Variants in ARFGAP2 observed in about 807,000 individuals in gnomAD.
The protein encoded by ARFGAP2 is ARF GTPase activating protein 2, also known as ADP-ribosylation factor GTPase-activating protein 2.
A neutral mutation model predicts 71.9 loss-of-function variants in ARFGAP2; 45 were observed. The observed-to-expected ratio is 0.63, with a 90% CI of 0.49 to 0.80. ARFGAP2 has a LOEUF of 0.80. Ranked by LOEUF, ARFGAP2 falls within the 30% of genes least tolerant of loss-of-function variation. The pLI, the probability that ARFGAP2 is intolerant of heterozygous loss-of-function variation, is 0.00. For missense variants in ARFGAP2, 633 were observed against 673.9 expected (o/e 0.94, Z 0.67); for synonymous variants, 248 against 249.2 (o/e 1.00, Z 0.05).
At chr11:47,172,653 C>A in intron 7 of ARFGAP2, 2 of 1,327,440 alleles carry the variant, frequency 1.5e-6, no homozygotes, top group Non-Finnish European at 2.0e-6. Flanking sequence ...CCAGGCTCCG[C>A]TTCTAAAGCA....
intron 5 of ARFGAP2, 170 bp from the exon 6 acceptor site, chr11:47,174,010 G>A (rs1052335837): frequency 6.8e-5 from 91 of 1,334,632 alleles, no homozygotes; most frequent in Admixed American, 2.1e-4. Context: ...GAAGAAAGCA[G>A]GAAGACAAGC....
At chr11:47,175,664 A>C (rs1952780826) in intron 3 of ARFGAP2, 187 bp downstream of exon 3, 1 of 694,966 alleles carries the variant, frequency 1.4e-6, no homozygotes, top group Admixed American at 2.7e-5. Context: ...GCCCAGTTTA[A>C]TTGGAATCTG....
chr11:47,176,750 C>T (rs1414233172), intron 1 of ARFGAP2, 32 bp downstream of exon 1: 3 of 1,613,588 alleles, frequency 1.9e-6, no homozygotes, highest in Non-Finnish European at 2.5e-6. Flanking sequence ...CCCAGCGGGA[C>T]GAGAGACTCC....
At chr11:47,172,635 G>A (rs1488267757) in intron 7 of ARFGAP2, 10 of 1,326,772 alleles carry the variant, frequency 7.5e-6, no homozygotes, top group Middle Eastern at 2.0e-4. Flanking sequence ...GGGAGCATAT[G>A]GTGAGCACCA....
rs1358530224 is a variant in ARFGAP2, at chr11:47,171,685, T to C, written c.788A>G (p.Lys263Arg). The change falls in exon 9 of 16, where the codon AAG becomes AGG. Residue 263 changes from lysine to arginine, a missense_variant. Lys to Arg is a conservative substitution (Grantham distance 26, BLOSUM62 2). Coordinates refer to ENST00000524782, the MANE Select transcript of ARFGAP2 (RefSeq NM_032389.6). ...KLREQQAADAKKQAEESMVAS... is the reference protein window; with the variant it reads ...KLREQQAADARKQAEESMVAS... ...TTACATGGACTCCTCCGCCTGCTTC[T>C]TGGCATCGGCTGCCTGCTGCTCACG... The C allele has an allele frequency of 6.2e-7, 1 of 1,613,874 alleles. No individual in the cohort carries two copies. The highest frequency in any genetic ancestry group is 1.3e-5 in the African/African-American group (1 of 75,062).
chr11:47,165,315 A>G lies in ARFGAP2; in HGVS notation c.*167T>C, dbSNP rs908625251. ...AGGCAGAGGACAAGGGCTGGTACTGACCATTCCCCTCACAGGAGTGAGCGC... is the reference window on the plus strand; with the variant it reads ...AGGCAGAGGACAAGGGCTGGTACTGGCCATTCCCCTCACAGGAGTGAGCGC... On this transcript the variant is annotated 3_prime_UTR_variant, in exon 16 of 16. Coordinates refer to ENST00000524782, the MANE Select transcript of ARFGAP2 (RefSeq NM_032389.6). 4.0e-6 allele frequency: 3 copies of G among 752,508 alleles called. No individual in the cohort carries two copies. The highest frequency in any genetic ancestry group is 2.8e-5 in the Admixed American group (1 of 35,954). 46.6% of individuals were successfully genotyped at this position (752,508 alleles called of 1,614,324 possible).
rs894282903 is a variant in ARFGAP2 at position 47,168,357 on chromosome 11, C to T, written c.942-106G>A. The T allele has an allele frequency of 2.7e-6, 4 of 1,495,282 alleles. No homozygotes were observed. In the African/African-American group the frequency reaches 5.5e-5, roughly 21 times the overall value. 92.6% of individuals were successfully genotyped at this position (1,495,282 alleles called of 1,614,324 possible). A position where few individuals can be genotyped will look rare whatever the true frequency, so the allele number is the denominator to read the frequency against. On this transcript the variant is annotated intron_variant, in intron 10 of 15. Transcript: ENST00000524782. ...GGGTTCTCCTTCACGGAGCGTCACC[C>T]AGAGCCTTCTGTCCTTACCCAAGCA...
chr11:47,168,145 T>C lies in ARFGAP2; in HGVS notation c.1048A>G (p.Thr350Ala), dbSNP rs1458009457. Residue 350 changes from threonine (T) to alanine (A), a missense_variant, in exon 11 of 16, where the codon ACT becomes GCT. By Grantham distance (58) the Thr-to-Ala change is moderately conservative (BLOSUM62 0). Transcript: ENST00000524782. Reference sequence around the variant, plus strand: ...TACTTTGGGGGTCCAGAGGCGAAAGTACCAACATCGTCAAACAAGTCCAGC... The same window carrying C: ...TACTTTGGGGGTCCAGAGGCGAAAGCACCAACATCGTCAAACAAGTCCAGC... ...SQLDLFDDVG[T>A]FASGPPKYKD... The C allele has an allele frequency of 6.2e-7, 1 of 1,614,232 alleles. No homozygotes were observed. The highest frequency in any genetic ancestry group is 1.7e-5 in the Admixed American group (1 of 60,036).
At position 47,175,103 on chromosome 11, in the gene ARFGAP2, A is replaced by G. The variant is rs550926313; in HGVS notation, c.397-5T>C. On this transcript the variant is annotated splice_polypyrimidine_tract_variant and splice_region_variant and intron_variant, in intron 4 of 15. Coordinates refer to ENST00000524782, the MANE Select transcript of ARFGAP2 (RefSeq NM_032389.6). ...ACTCATGTTGTCTATCCAAAGCTAG[A>G]AAGGAGAAGACACCCCTAAAACACA... 6.2e-7 allele frequency: 1 copy of G among 1,614,162 alleles called. No individual in the cohort carries two copies. The highest frequency in any genetic ancestry group is 1.3e-5 in the African/African-American group (1 of 75,028).
In ARFGAP2 at chr11:47,175,869, G is replaced by T; in HGVS notation, c.246C>A (p.Val82=). 6.2e-7 allele frequency: 1 copy of T among 1,614,112 alleles called. No homozygotes were observed. The highest frequency in any genetic ancestry group is 8.5e-7 in the Non-Finnish European group (1 of 1,180,006). ...WNWFQLRCMQ[V]GGNANATAFF... ...GCTTTACCGCATTGGCATTCCCGCCGACCTGCATACACCTCAGCTGGAACC... is the reference window on the plus strand; with the variant it reads ...GCTTTACCGCATTGGCATTCCCGCCTACCTGCATACACCTCAGCTGGAACC... Residue 82 remains valine, a synonymous_variant, in exon 3 of 16, where the codon GTC becomes GTA. Coordinates refer to ENST00000524782, the MANE Select transcript of ARFGAP2 (RefSeq NM_032389.6).
At position 47,166,380 on chromosome 11, in the gene ARFGAP2, A is replaced by G. The variant is rs1255616160; in HGVS notation, c.1433T>C (p.Val478Ala). ...DMDGAHGAGS[V>A]SLGNVLPTAD... The stretch of plus-strand genomic sequence containing the variant: ...TGTAGGCAGCACGTTCCCCAGAGAT[A>G]CACTTCCTGTAAAACAAGAGCAGGG... The change falls in exon 15 of 16, where the codon GTA becomes GCA. Residue 478 changes from valine (V) to alanine (A), a missense_variant. Coordinates refer to ENST00000524782, the MANE Select transcript of ARFGAP2 (RefSeq NM_032389.6). 1 of 1,613,908 alleles carries G rather than the reference A, an allele frequency of 6.2e-7. No individual in the cohort carries two copies. Among genetic ancestry groups the G allele is most frequent in the African/African-American group, 1.3e-5 (1 of 74,934 alleles).
At chr11:47,168,607 A>C in intron 10 of ARFGAP2, 1 of 189,394 alleles carries the variant, frequency 5.3e-6, no homozygotes, top group South Asian at 9.4e-5. Context: ...TGCAACCACC[A>C]CCTCCCAGGT....
intron 2 of ARFGAP2, chr11:47,176,198 C>T (rs1002819757): frequency 1.7e-6 from 1 of 590,622 alleles, no homozygotes; most frequent in African/African-American, 1.9e-5. Flanking sequence ...TGGTCACAGT[C>T]TCACTAGAGA....
Position 47,176,541 on chromosome 11 carries a change from G to A in ARFGAP2, c.166C>T (p.Leu56=), listed in dbSNP as rs758827183. The change falls in exon 2 of 16, where the codon CTG becomes TTG. Residue 56 remains leucine, a synonymous_variant. Transcript: ENST00000524782. Reference sequence around the variant, plus strand: ...CTGATGAAGCTCAGATGGACGCCCAGGGAGCGGTGCACCCCGGAACAGTCA... The same window carrying A: ...CTGATGAAGCTCAGATGGACGCCCAAGGAGCGGTGCACCCCGGAACAGTCA... The part of the protein sequence containing the change: ...CIDCSGVHRS[L]GVHLSFIRST... 5 of 1,613,818 alleles carry A rather than the reference G, an allele frequency of 3.1e-6. No individual in the cohort carries two copies. The highest frequency in any genetic ancestry group is 4.2e-6 in the Non-Finnish European group (5 of 1,180,024).
intron 1 of ARFGAP2, 70 bp from the exon 2 acceptor site, chr11:47,176,704 A>G (rs560636654): frequency 3.1e-6 from 5 of 1,611,228 alleles, no homozygotes; most frequent in African/African-American, 2.7e-5. Flanking sequence ...CACCCCAGAA[A>G]CATAACCCAC....
Position 47,171,412 on chromosome 11 carries a change from G to C in ARFGAP2, c.941+14C>G. 6.2e-7 allele frequency: 1 copy of C among 1,613,938 alleles called. No individual in the cohort carries two copies. The highest frequency in any genetic ancestry group is 8.5e-7 in the Non-Finnish European group (1 of 1,179,890). On this transcript the variant is annotated intron_variant, in intron 10 of 15. Coordinates refer to ENST00000524782, the MANE Select transcript of ARFGAP2 (RefSeq NM_032389.6). ...CAACGGCATTTCCCTGCCACACCCG[G>C]AGCTGAGCCTCACCTTCGGGATACC...
intron 10 of ARFGAP2, among the ~76,000 whole-genome samples, chr11:47,170,067 G>A (rs1952534158): frequency 6.6e-6 from 1 of 152,158 alleles, no homozygotes; most frequent in Non-Finnish European, 1.5e-5. Flanking sequence ...GCTCACACCG[G>A]TAATCCCAGT....
chr11:47,175,698 A>C, intron 3 of ARFGAP2, 153 bp downstream of exon 3: 1 of 818,868 alleles, frequency 1.2e-6, no homozygotes, highest in Non-Finnish European at 2.0e-6. Flanking sequence ...AGAAGCTGTG[A>C]CCAGTTTCGA....
Position 47,168,613 on chromosome 11 carries a change from C to A in ARFGAP2, c.942-362G>T, listed in dbSNP as rs978046001. On this transcript the variant is annotated intron_variant, in intron 10 of 15. Coordinates refer to ENST00000524782, the MANE Select transcript of ARFGAP2 (RefSeq NM_032389.6). ...TTGGCTCACTGCAACCACCACCTCC[C>A]AGGTTCAAGCGATTCTTGTGCCTCA... 6 of 193,506 alleles carry A rather than the reference C, an allele frequency of 3.1e-5. No homozygotes were observed. The South Asian group carries it at 5.3e-4, about 17-fold the overall frequency. The allele number at this position is 193,506 out of a possible 1,614,324, so 12.0% of individuals were successfully genotyped here.
Sources: allele counts gnomAD v4.1 joint callset (sites outside exome capture counted in the v4.1 genomes callset), GRCh38; gene constraint gnomAD v4.1.1; transcripts MANE v1.5; gene names NCBI Gene and HGNC (gene_info 2026-07-23, HGNC 2026-07-21).